COL4A4: variants seen among roughly 807,000 people sequenced by gnomAD.
The protein encoded by COL4A4 is collagen alpha-4(IV) chain.
In COL4A4, 105 loss-of-function variants were observed where a neutral mutation model predicts 192.9. The observed-to-expected ratio is 0.54, with a 90% CI of 0.46 to 0.64. The LOEUF is 0.64. Among genes scored for constraint, COL4A4 ranks in the 30% least tolerant of loss-of-function variants. The probability of loss-of-function intolerance (pLI) is 0.00; values close to 1 mark genes in which losing one functional copy is unlikely to be tolerated. For missense variants in COL4A4, 1,967 were observed against 2,169.3 expected (o/e 0.91, Z 1.85); for synonymous variants, 762 against 769.9 (o/e 0.99, Z 0.17).
the COL4A4 span, among the ~76,000 whole-genome samples, chr2:226,968,660 G>A: frequency 3.3e-5 from 5 of 152,318 alleles, no homozygotes; most frequent in South Asian, 6.2e-4. Context: ...CACTCTCTCC[G>A]AAACATGTGC....
chr2:227,121,814 T>C (rs1223866742), intron 4 of COL4A4, among the ~76,000 whole-genome samples: 1 of 152,200 alleles, frequency 6.6e-6, no homozygotes, highest in Non-Finnish European at 1.5e-5. Flanking sequence ...GTTATCTTAC[T>C]ATTTTCATTC....
chr2:227,111,363 T>C (rs1377484527), intron 9 of COL4A4, among the ~76,000 whole-genome samples: 1 of 152,182 alleles, frequency 6.6e-6, no homozygotes, highest in Non-Finnish European at 1.5e-5. Flanking sequence ...CTTTCCTAAA[T>C]ATTAAGTGGC....
chr2:227,088,756 A>G lies in COL4A4; in HGVS notation c.1520T>C (p.Leu507Pro), dbSNP rs2059737087. The change falls in exon 22 of 48, where the codon CTT becomes CCT. Residue 507 changes from leucine (L) to proline (P), a missense_variant. Physicochemically the swap from Leu to Pro is moderately conservative, Grantham distance 98. Coordinates refer to ENST00000396625, the MANE Select transcript of COL4A4 (RefSeq NM_000092.5). ...GPMGPPGPPG[L>P]PGRQGSKGDL... ...TCCCTTACTCCCCTGCCTCCCAGGA[A>G]GTCCTGGAGGGCCAGGGGGGCCCAT... 2 of 1,614,084 alleles carry G rather than the reference A, an allele frequency of 1.2e-6. No individual in the cohort carries two copies. The highest frequency in any genetic ancestry group is 2.2e-5 in the South Asian group (2 of 91,080).
At chr2:226,997,902 T>A (rs1246235778), downstream of COL4A4, 1 of 152,248 alleles carries the variant, frequency 6.6e-6, no homozygotes, top group Non-Finnish European at 1.5e-5. Context: ...GGAATGTCCA[T>A]TTTATTTTAT....
At chr2:227,159,156 C>A (rs2064599837) in intron 1 of COL4A4, among the ~76,000 whole-genome samples, 1 of 152,196 alleles carries the variant, frequency 6.6e-6, no homozygotes, top group Admixed American at 6.5e-5. Flanking sequence ...TCCTAATCTA[C>A]ACAACATGGA....
chr2:227,109,230 C>A lies in COL4A4; in HGVS notation c.651G>T (p.Gly217=). The A allele has an allele frequency of 1.9e-6, 3 of 1,613,788 alleles. No individual in the cohort carries two copies. Among genetic ancestry groups the A allele is most frequent in the East Asian group, 2.2e-5 (1 of 44,886 alleles). ...AGPTGYPGEP[G]LVGPPGQPGR... Reference sequence around the variant, plus strand: ...TCAGCAGTGCTGTACTTACCACTAACCCTGGCTCTCCAGGATATCCTGTGG... The same window carrying A: ...TCAGCAGTGCTGTACTTACCACTAAACCTGGCTCTCCAGGATATCCTGTGG... Residue 217 remains glycine (G), a synonymous_variant, in exon 10 of 48, where the codon GGG becomes GGT. Transcript: ENST00000396625.
chr2:227,140,361 T>C (rs1049016293), intron 3 of COL4A4, 123 bp from the exon 4 acceptor site: 7 of 776,586 alleles, frequency 9.0e-6, no homozygotes, highest in Non-Finnish European at 1.6e-5. Context: ...AGACTAATCA[T>C]GACATATAAA....
intron 44 of COL4A4, among the ~76,000 whole-genome samples, chr2:227,021,313 A>AT (rs745430624): frequency 6.6e-6 from 1 of 152,020 alleles, no homozygotes; most frequent in Non-Finnish European, 1.5e-5. Flanking sequence ...GCAAGACCCT[A>AT]TTTTTCCCCA....
At chr2:227,014,305 T>G (rs894274213) in intron 44 of COL4A4, among the ~76,000 whole-genome samples, 1 of 152,066 alleles carries the variant, frequency 6.6e-6, no homozygotes, top group Non-Finnish European at 1.5e-5. Flanking sequence ...TAGGGCGGGG[T>G]GGGGCATGAG....
At chr2:227,129,433 A>G (rs1462272057) in intron 4 of COL4A4, among the ~76,000 whole-genome samples, 8 of 144,482 alleles carry the variant, frequency 5.5e-5, no homozygotes, top group African/African-American at 2.1e-4. Flanking sequence ...TTTTTGAGAC[A>G]GAGTCTCACT....
At chr2:226,976,947 A>G in the COL4A4 span, among the ~76,000 whole-genome samples, 1 of 152,176 alleles carries the variant, frequency 6.6e-6, no homozygotes, top group Non-Finnish European at 1.5e-5. Flanking sequence ...TATTTCTTAG[A>G]GGCCCCAAAC....
At chr2:226,977,544 T>C in the COL4A4 span, among the ~76,000 whole-genome samples, 2 of 152,214 alleles carry the variant, frequency 1.3e-5, no homozygotes, top group Admixed American at 1.3e-4. Flanking sequence ...ATTTGTAGCC[T>C]GCCCCAGGAG....
chr2:227,037,435 C>T (rs1369582244), intron 37 of COL4A4, among the ~76,000 whole-genome samples: 1 of 152,160 alleles, frequency 6.6e-6, no homozygotes, highest in Non-Finnish European at 1.5e-5. Flanking sequence ...TTTATGGCTG[C>T]ATAGTATTCC....
In COL4A4 at chr2:227,080,317, ACT is replaced by A. The variant is rs1490275205; in HGVS notation, c.1803+124_1803+125del. Reference sequence around the variant, plus strand: ...TTTCCATGTCAGGGTGCCAAAAGTGACTCTGATTTATAGTATGTTGATATTTT... The same window carrying A: ...TTTCCATGTCAGGGTGCCAAAAGTGACTGATTTATAGTATGTTGATATTTT... On this transcript the variant is annotated intron_variant, in intron 24 of 47. Transcript: ENST00000396625. 14 of 884,718 alleles carry A rather than the reference ACT, an allele frequency of 1.6e-5. No individual in the cohort carries two copies. In the Middle Eastern group the frequency reaches 1.1e-3, roughly 71 times the overall value. The allele number at this position is 884,718 out of a possible 1,614,324, so 54.8% of individuals were successfully genotyped here.
At chr2:226,978,716 G>A in the COL4A4 span, among the ~76,000 whole-genome samples, 4 of 152,212 alleles carry the variant, frequency 2.6e-5, no homozygotes, top group African/African-American at 9.6e-5. Flanking sequence ...ACTAACCATG[G>A]CATCATGTGC....
intron 28 of COL4A4, among the ~76,000 whole-genome samples, chr2:227,058,758 C>T (rs7557971): frequency 0.015 from 2,310 of 152,210 alleles, 52 homozygotes; most frequent in African/African-American, 0.053. Flanking sequence ...GTCCTGAAGA[C>T]AATAATTTTA....
At chr2:227,153,395 T>C (rs968137121) in intron 1 of COL4A4, among the ~76,000 whole-genome samples, 1 of 152,214 alleles carries the variant, frequency 6.6e-6, no homozygotes, top group South Asian at 2.1e-4. Context: ...TGCTAACTGT[T>C]ATTCTCAAGA....
chr2:227,079,531 G>C (rs893471686), intron 24 of COL4A4, among the ~76,000 whole-genome samples: 2 of 152,096 alleles, frequency 1.3e-5, no homozygotes, highest in African/African-American at 4.8e-5. Context: ...TTGTTCACTT[G>C]GATTCTGTCT....
At chr2:227,107,162 A>T (rs1211833750) in intron 12 of COL4A4, among the ~76,000 whole-genome samples, 1 of 152,182 alleles carries the variant, frequency 6.6e-6, no homozygotes, top group Non-Finnish European at 1.5e-5. Flanking sequence ...CATTTCTACA[A>T]GCCAGAGATC....
Sources: gnomAD v4.1 joint callset for allele counts (sites outside exome capture counted in the v4.1 genomes callset) on GRCh38, gnomAD v4.1.1 for gene constraint, MANE v1.5 for transcripts, NCBI Gene and HGNC (gene_info 2026-07-23, HGNC 2026-07-21) for gene names.